SGCD: variants seen among roughly 807,000 people sequenced by gnomAD.
The protein encoded by SGCD is sarcoglycan delta, also known as delta-sarcoglycan.
Under a neutral mutation model 36.6 loss-of-function variants are expected in SGCD, and 18 were observed. The observed-to-expected ratio is 0.49, with a 90% CI of 0.34 to 0.73. The LOEUF (loss-of-function observed/expected upper bound fraction) is 0.73, where lower values mean the gene tolerates loss of function less well. SGCD is among the 30% of genes least tolerant of loss of function. SGCD has a pLI of 0.01. For synonymous variants in SGCD, 133 were observed against 130.6 expected (o/e 1.02, Z -0.12); for missense variants, 387 against 346.7 (o/e 1.12, Z -0.92).
intron 3 of SGCD, among the ~76,000 whole-genome samples, chr5:156,441,600 A>G (rs1276458582): frequency 6.6e-6 from 1 of 152,202 alleles, no homozygotes; most frequent in African/African-American, 2.4e-5. Flanking sequence ...TGACTAATTG[A>G]AAGATGATTG....
At chr5:156,589,023 T>C (rs924245044) in intron 4 of SGCD, among the ~76,000 whole-genome samples, 15 of 151,404 alleles carry the variant, frequency 9.9e-5, no homozygotes, top group African/African-American at 2.2e-4. Flanking sequence ...TGTGTGTGTG[T>C]GCATTTCTTT....
At chr5:156,499,447 C>T (rs138116041) in intron 3 of SGCD, among the ~76,000 whole-genome samples, 51 of 152,082 alleles carry the variant, frequency 3.4e-4, no homozygotes, top group African/African-American at 1.1e-3. Flanking sequence ...TGACTGAGGA[C>T]ATAGATATAA....
At chr5:156,298,406 C>T (rs561683187) in intron 3 of SGCD, among the ~76,000 whole-genome samples, 2 of 152,188 alleles carry the variant, frequency 1.3e-5, no homozygotes, top group African/African-American at 4.8e-5. Context: ...TCCATTTTCT[C>T]CATATCCATA....
intron 1 of SGCD, among the ~76,000 whole-genome samples, chr5:156,028,619 A>C (rs2127575020): frequency 6.6e-6 from 1 of 152,254 alleles, no homozygotes; most frequent in South Asian, 2.1e-4. Flanking sequence ...AAGGATAGTG[A>C]GTTCTATCAG....
the SGCD span, among the ~76,000 whole-genome samples, chr5:155,729,241 C>T: frequency 6.6e-6 from 1 of 152,230 alleles, no homozygotes; most frequent in East Asian, 1.9e-4. Context: ...ACTTCCTCAC[C>T]AACGTGCCAT....
At chr5:155,812,443 GT>G in the SGCD span, among the ~76,000 whole-genome samples, 3 of 152,150 alleles carry the variant, frequency 2.0e-5, no homozygotes, top group African/African-American at 7.2e-5. Context: ...ATGCAATTTT[GT>G]ATTTACAATA....
intron 1 of SGCD, among the ~76,000 whole-genome samples, chr5:155,951,092 A>T (rs905725189): frequency 6.6e-6 from 1 of 152,026 alleles, no homozygotes; most frequent in Non-Finnish European, 1.5e-5. Context: ...TCTCTTTCAC[A>T]CTCCAAACAC....
At chr5:156,206,012 T>TTA (rs1408895367) in intron 3 of SGCD, among the ~76,000 whole-genome samples, 3 of 148,058 alleles carry the variant, frequency 2.0e-5, no homozygotes, top group Non-Finnish European at 4.5e-5. Flanking sequence ...ATATTATATA[T>TTA]TATATATATC....
intron 1 of SGCD, among the ~76,000 whole-genome samples, chr5:155,973,175 A>T (rs1301340834): frequency 1.3e-5 from 2 of 152,198 alleles, no homozygotes; most frequent in Non-Finnish European, 2.9e-5. Flanking sequence ...TGCAATATGG[A>T]AACTCATCAG....
intron 1 of SGCD, among the ~76,000 whole-genome samples, chr5:156,114,009 A>G (rs1451033838): frequency 6.6e-6 from 1 of 152,252 alleles, no homozygotes; most frequent in Middle Eastern, 3.4e-3. Flanking sequence ...AGGGAGGGAT[A>G]AATAGATGGA....
At chr5:156,487,788 CAAAAAA>C (rs56006984) in intron 3 of SGCD, among the ~76,000 whole-genome samples, 114 of 41,364 alleles carry the variant, frequency 2.8e-3, no homozygotes, top group African/African-American at 6.1e-3. Context: ...ACTCTGTCAC[CAAAAAA>C]AAAAAAAAAA....
chr5:156,690,545 A>G (rs1754068972), intron 7 of SGCD, among the ~76,000 whole-genome samples: 2 of 152,152 alleles, frequency 1.3e-5, no homozygotes, highest in Non-Finnish European at 1.5e-5. Flanking sequence ...CAGGAGTTAC[A>G]GATAGCACAA....
At chr5:156,385,215 TC>T (rs1193409249) in intron 3 of SGCD, among the ~76,000 whole-genome samples, 1 of 152,194 alleles carries the variant, frequency 6.6e-6, no homozygotes, top group Non-Finnish European at 1.5e-5. Context: ...AAACCACCTT[TC>T]TTTTCTAGCT....
At chr5:155,896,676 A>T (rs978056932) in intron 1 of SGCD, among the ~76,000 whole-genome samples, 3 of 151,960 alleles carry the variant, frequency 2.0e-5, no homozygotes, top group African/African-American at 7.2e-5. Flanking sequence ...TAACAATTTT[A>T]TAAAAAAATA....
At chr5:156,286,331 C>A (rs1362450556) in intron 3 of SGCD, among the ~76,000 whole-genome samples, 7 of 152,172 alleles carry the variant, frequency 4.6e-5, no homozygotes, top group Non-Finnish European at 1.0e-4. Flanking sequence ...TGGGTATATA[C>A]CCAAAGGATT....
chr5:156,261,129 A>G (rs113765398), intron 3 of SGCD, among the ~76,000 whole-genome samples: 37 of 152,128 alleles, frequency 2.4e-4, no homozygotes, highest in African/African-American at 8.2e-4. Flanking sequence ...AATCTTTTGT[A>G]GTTGTGTTAT....
the SGCD span, among the ~76,000 whole-genome samples, chr5:155,786,415 A>C: frequency 1.3e-5 from 2 of 152,160 alleles, no homozygotes; most frequent in Non-Finnish European, 2.9e-5. Context: ...CATCCTGGGC[A>C]GACTTGGAAT....
upstream of SGCD, among the ~76,000 whole-genome samples, chr5:155,866,009 A>C (rs928677898): frequency 6.6e-6 from 1 of 152,120 alleles, no homozygotes; most frequent in African/African-American, 2.4e-5. Flanking sequence ...CTTTTGAAAA[A>C]GGTCAATAGT....
chr5:156,219,968 G>T (rs1275318320), intron 3 of SGCD, among the ~76,000 whole-genome samples: 2 of 152,272 alleles, frequency 1.3e-5, no homozygotes, highest in African/African-American at 4.8e-5. Context: ...AAGTTCTCAG[G>T]TATAAGGTTA....
Sources: gnomAD v4.1 joint callset for allele counts (sites outside exome capture counted in the v4.1 genomes callset) on GRCh38, gnomAD v4.1.1 for gene constraint, MANE v1.5 for transcripts, NCBI Gene and HGNC (gene_info 2026-07-23, HGNC 2026-07-21) for gene names.